SUPT3H: variants seen among roughly 807,000 people sequenced by gnomAD.
SUPT3H encodes transcription initiation protein SPT3 homolog.
In SUPT3H, 44 loss-of-function variants were observed where a neutral mutation model predicts 44.3. That is an observed-to-expected ratio of 0.99 (90% confidence interval 0.78 to 1.28). The LOEUF is 1.28. Among genes scored for constraint, SUPT3H ranks in the 50% most tolerant of loss-of-function variants. The probability of loss-of-function intolerance (pLI) is 0.00; values close to 1 mark genes in which losing one functional copy is unlikely to be tolerated. For synonymous variants in SUPT3H, 124 were observed against 125.6 expected (o/e 0.99, Z 0.09); for missense variants, 380 against 387.1 (o/e 0.98, Z 0.15).
chr6:45,136,655 G>A (rs1804332198), intron 2 of SUPT3H, among the ~76,000 whole-genome samples: 2 of 151,606 alleles, frequency 1.3e-5, no homozygotes, highest in Admixed American at 1.3e-4. Flanking sequence ...TAACTGAAAT[G>A]AATAATTCAC....
intron 2 of SUPT3H, among the ~76,000 whole-genome samples, chr6:45,219,022 A>C (rs2153634448): frequency 6.6e-6 from 1 of 152,330 alleles, no homozygotes; most frequent in South Asian, 2.1e-4. Context: ...GGGTCAAAGA[A>C]GTTACAAAGA....
At chr6:45,238,547 C>T (rs1769646358) in intron 2 of SUPT3H, among the ~76,000 whole-genome samples, 1 of 152,154 alleles carries the variant, frequency 6.6e-6, no homozygotes, top group African/African-American at 2.4e-5. Flanking sequence ...AAGGCAAGTC[C>T]ATAAAGCTCA....
In SUPT3H at chr6:45,230,067, G is replaced by A. The variant is rs1482402758; in HGVS notation, c.102-124061C>T. Among the ~76,000 whole-genome samples, 3 of 152,040 alleles carry A rather than the reference G, an allele frequency of 2.0e-5. No individual in the cohort carries two copies. In the East Asian group the frequency reaches 5.8e-4, roughly 29 times the overall value. ...TCTAGTGTTTTAGTCCCAGATATGA[G>A]TGATAACATGTGGTATTTGTCTTTC... On this transcript the variant is annotated intron_variant, in intron 2 of 10. Coordinates refer to ENST00000371459, the MANE Select transcript of SUPT3H (RefSeq NM_003599.4).
intron 2 of SUPT3H, among the ~76,000 whole-genome samples, chr6:45,182,509 G>A (rs559615075): frequency 3.3e-5 from 5 of 152,266 alleles, no homozygotes; most frequent in African/African-American, 7.2e-5. Context: ...TGATCTGCCC[G>A]CCTCAGCCTC....
intron 10 of SUPT3H, among the ~76,000 whole-genome samples, chr6:44,895,165 CATATT>C (rs1329479171): frequency 6.6e-6 from 1 of 151,158 alleles, no homozygotes; most frequent in Non-Finnish European, 1.5e-5. Context: ...TTTTCTTTTT[CATATT>C]AAAGTCAGAT....
In SUPT3H at chr6:44,915,869, T is replaced by TA. The variant is rs1282651298; in HGVS notation, c.912+16783dup. Among the ~76,000 whole-genome samples, 4 of 152,192 alleles carry TA rather than the reference T, an allele frequency of 2.6e-5. No homozygotes were observed. In the East Asian group the frequency reaches 7.7e-4, roughly 29 times the overall value. Reference sequence around the variant, plus strand: ...TGATGTCTCATGTCTCCCTAAAATGTAAAAAACCAAGCTGCACCCCAACCA... The same window carrying TA: ...TGATGTCTCATGTCTCCCTAAAATGTAAAAAAACCAAGCTGCACCCCAACCA... On this transcript the variant is annotated intron_variant, in intron 10 of 10. Coordinates refer to ENST00000371459, the MANE Select transcript of SUPT3H (RefSeq NM_003599.4).
chr6:45,352,086 G>A (rs1362976963), intron 2 of SUPT3H, among the ~76,000 whole-genome samples: 1 of 152,128 alleles, frequency 6.6e-6, no homozygotes, highest in East Asian at 1.9e-4. Flanking sequence ...TGGTAATTAG[G>A]CATAGCTGAA....
intron 10 of SUPT3H, among the ~76,000 whole-genome samples, chr6:44,831,145 C>T (rs922788464): frequency 3.3e-5 from 5 of 152,146 alleles, no homozygotes; most frequent in African/African-American, 4.8e-5. Context: ...AGAAGATTTA[C>T]TGTGCTTGTC....
At chr6:44,946,126 T>G (rs12525773) in intron 9 of SUPT3H, among the ~76,000 whole-genome samples, 36,255 of 152,104 alleles carry the variant, frequency 0.24, 4,552 homozygotes, top group Admixed American at 0.37. Context: ...CATGGCTTAC[T>G]GAATATTTTA....
intron 2 of SUPT3H, among the ~76,000 whole-genome samples, chr6:45,233,763 G>A (rs1768530486): frequency 6.6e-6 from 1 of 152,108 alleles, no homozygotes; most frequent in Admixed American, 6.5e-5. Flanking sequence ...TGTGTCTGAT[G>A]CCTTAGCCAT....
chr6:45,333,675 T>TA (rs998803375), intron 2 of SUPT3H, among the ~76,000 whole-genome samples: 2 of 151,342 alleles, frequency 1.3e-5, no homozygotes, highest in African/African-American at 4.8e-5. Context: ...TAACCTGATA[T>TA]AAAAAACAAT....
chr6:44,876,898 A>T (rs143213246), intron 10 of SUPT3H, among the ~76,000 whole-genome samples: 68 of 151,914 alleles, frequency 4.5e-4, no homozygotes, highest in African/African-American at 1.6e-3. Context: ...TTTTATCTTA[A>T]AAGAAAAAAA....
Position 44,819,618 on chromosome 6 carries a change from C to G in SUPT3H, c.*53-10117G>C, listed in dbSNP as rs540100968. On this transcript the variant is annotated intron_variant and NMD_transcript_variant, in intron 11 of 11. Transcript: ENST00000475057. ...ATAAGCCTGAGCAACATAGTGAGAC[C>G]CTGTCTCTATAAAAAGAAAAAAAAA... Among the ~76,000 whole-genome samples the G allele has an allele frequency of 1.5e-3, 231 of 151,296 alleles. 1 individual carries two copies. The highest frequency in any genetic ancestry group is 5.3e-3 in the African/African-American group (218 of 41,190).
chr6:45,105,995 C>T lies in SUPT3H; in HGVS notation c.113G>A (p.Gly38Asp). 1 of 1,613,334 alleles carries T rather than the reference C, an allele frequency of 6.2e-7. No individual in the cohort carries two copies. The highest frequency in any genetic ancestry group is 8.5e-7 in the Non-Finnish European group (1 of 1,179,614). ...TELQSMMYSL[G>D]DARRPLHETA... ...TTCATGAAGAGGCCTTCTAGCATCACCTAAAGAATACCTGCAAAATAATTT... is the reference window on the plus strand; with the variant it reads ...TTCATGAAGAGGCCTTCTAGCATCATCTAAAGAATACCTGCAAAATAATTT... The change falls in exon 3 of 11, where the codon GGT becomes GAT. Residue 38 changes from glycine to aspartate, a missense_variant. Physicochemically the swap from Gly to Asp is moderately conservative, Grantham distance 94 (BLOSUM62 -1). Transcript: ENST00000371459.
intron 2 of SUPT3H, among the ~76,000 whole-genome samples, chr6:45,174,238 T>C (rs1016853218): frequency 2.0e-5 from 3 of 152,232 alleles, no homozygotes; most frequent in Admixed American, 2.0e-4. Context: ...ATTAACGTTC[T>C]ACGTAATCAT....
At chr6:44,895,799 C>T (rs963427284) in intron 10 of SUPT3H, among the ~76,000 whole-genome samples, 1 of 152,024 alleles carries the variant, frequency 6.6e-6, no homozygotes, top group African/African-American at 2.4e-5. Flanking sequence ...AATTATTTTA[C>T]TGCTTTAATA....
At chr6:44,864,286 A>C (rs1775134922) in intron 10 of SUPT3H, among the ~76,000 whole-genome samples, 3 of 152,208 alleles carry the variant, frequency 2.0e-5, no homozygotes. Context: ...CAAATGGTAG[A>C]AACTGGCTAA....
At chr6:44,834,901 C>G (rs1769532738) in intron 10 of SUPT3H, among the ~76,000 whole-genome samples, 1 of 152,092 alleles carries the variant, frequency 6.6e-6, no homozygotes, top group South Asian at 2.1e-4. Context: ...GGAAGGAACA[C>G]AACTTAATTA....
chr6:44,968,990 T>G (rs1325142793), intron 6 of SUPT3H, among the ~76,000 whole-genome samples: 1 of 152,198 alleles, frequency 6.6e-6, no homozygotes, highest in Non-Finnish European at 1.5e-5. Flanking sequence ...CCCCCATTAC[T>G]GTGCTGGCCA....
Sources: gnomAD v4.1 joint callset for allele counts (sites outside exome capture counted in the v4.1 genomes callset) on GRCh38, gnomAD v4.1.1 for gene constraint, MANE v1.5 for transcripts, NCBI Gene and HGNC (gene_info 2026-07-23, HGNC 2026-07-21) for gene names.